Variants in GLIS3 observed in about 807,000 individuals in gnomAD.
The protein encoded by GLIS3 is GLIS family zinc finger 3, also known as zinc finger protein GLIS3.
A neutral mutation model predicts 78.6 loss-of-function variants in GLIS3; 53 were observed. That is an observed-to-expected ratio of 0.67 (90% confidence interval 0.54 to 0.85). The LOEUF is 0.85. GLIS3 is among the 40% of genes least tolerant of loss of function. The pLI, the probability that GLIS3 is intolerant of heterozygous loss-of-function variation, is 0.00. For missense variants in GLIS3, 1,703 were observed against 1,231.1 expected, an observed-to-expected ratio of 1.38 and a Z score of -5.74; for synonymous variants, 684 against 509.9, an observed-to-expected ratio of 1.34 and a Z score of -4.60.
chr9:4,214,130 C>A (rs1391057459), intron 2 of GLIS3, among the ~76,000 whole-genome samples: 1 of 152,156 alleles, frequency 6.6e-6, no homozygotes, highest in South Asian at 2.1e-4. Context: ...TAACACATAT[C>A]AAACAAAACT....
chr9:4,010,584 C>G (rs7039704), intron 4 of GLIS3, among the ~76,000 whole-genome samples: 1 of 152,142 alleles, frequency 6.6e-6, no homozygotes, highest in Non-Finnish European at 1.5e-5. Flanking sequence ...TGTGAAAGAA[C>G]AGACATGAAA....
At chr9:4,490,218 G>C in the GLIS3 span, among the ~76,000 whole-genome samples, 3 of 152,256 alleles carry the variant, frequency 2.0e-5, no homozygotes, top group Non-Finnish European at 4.4e-5. Context: ...CCTAGCATGA[G>C]TGAGGCGTGG....
intron 2 of GLIS3, among the ~76,000 whole-genome samples, chr9:4,320,291 C>G (rs991562688): frequency 3.9e-5 from 6 of 152,090 alleles, no homozygotes; most frequent in Non-Finnish European, 7.3e-5. Flanking sequence ...AGTTTGTGAG[C>G]TGACTTTTGG....
At chr9:3,838,192 A>G (rs1270252719) in intron 9 of GLIS3, among the ~76,000 whole-genome samples, 1 of 152,216 alleles carries the variant, frequency 6.6e-6, no homozygotes, top group East Asian at 1.9e-4. Context: ...CATAGCACTA[A>G]GACTAGTACC....
intron 8 of GLIS3, among the ~76,000 whole-genome samples, chr9:3,861,950 A>T (rs1467244389): frequency 1.3e-5 from 2 of 152,152 alleles, no homozygotes; most frequent in Non-Finnish European, 2.9e-5. Context: ...CTTAACTTAA[A>T]TTAAATTTAA....
At chr9:3,931,942 T>C (rs1176685893) in intron 6 of GLIS3, among the ~76,000 whole-genome samples, 3 of 152,228 alleles carry the variant, frequency 2.0e-5, no homozygotes, top group Admixed American at 6.5e-5. Flanking sequence ...TATTGGCCAA[T>C]TGATATTTTA....
chr9:4,063,040 T>C (rs958998567), intron 4 of GLIS3, among the ~76,000 whole-genome samples: 6 of 152,156 alleles, frequency 3.9e-5, no homozygotes, highest in Non-Finnish European at 7.3e-5. Flanking sequence ...CTCTTGACTC[T>C]TTATCTCACC....
chr9:4,408,282 G>A, the GLIS3 span, among the ~76,000 whole-genome samples: 1 of 152,050 alleles, frequency 6.6e-6, no homozygotes, highest in Non-Finnish European at 1.5e-5. Context: ...CGAAAGAAAG[G>A]AAATCAGTAT....
chr9:4,072,764 T>C (rs1410147350), intron 4 of GLIS3, among the ~76,000 whole-genome samples: 1 of 151,734 alleles, frequency 6.6e-6, no homozygotes, highest in African/African-American at 2.4e-5. Flanking sequence ...GTTGTTGTTA[T>C]ATCACTGTGC....
intron 4 of GLIS3, among the ~76,000 whole-genome samples, chr9:4,094,397 TG>T (rs1409667967): frequency 6.6e-6 from 1 of 152,230 alleles, no homozygotes; most frequent in African/African-American, 2.4e-5. Flanking sequence ...TTTTAATTTT[TG>T]TTTTTTTACT....
the GLIS3 span, among the ~76,000 whole-genome samples, chr9:4,460,770 G>A: frequency 3.3e-5 from 5 of 152,128 alleles, no homozygotes; most frequent in Non-Finnish European, 5.9e-5. Flanking sequence ...TGCATGCTGT[G>A]GGGATTTGTC....
chr9:4,259,161 G>T (rs1163719014), intron 2 of GLIS3, among the ~76,000 whole-genome samples: 1 of 152,124 alleles, frequency 6.6e-6, no homozygotes, highest in East Asian at 1.9e-4. Flanking sequence ...TATTCTGCAA[G>T]ACTCAGAAAC....
chr9:4,464,315 G>C, the GLIS3 span, among the ~76,000 whole-genome samples: 2 of 151,574 alleles, frequency 1.3e-5, no homozygotes, highest in Non-Finnish European at 2.9e-5. Context: ...CCATGATTTT[G>C]ACAAGCAGTA....
At chr9:4,165,302 G>A (rs767306195) in intron 2 of GLIS3, among the ~76,000 whole-genome samples, 5 of 152,106 alleles carry the variant, frequency 3.3e-5, no homozygotes, top group Admixed American at 6.5e-5. Context: ...TTAGCCGGGC[G>A]TGGTGGCACA....
intron 2 of GLIS3, among the ~76,000 whole-genome samples, chr9:4,249,692 G>C (rs1273016341): frequency 1.3e-5 from 2 of 152,144 alleles, no homozygotes; most frequent in Non-Finnish European, 2.9e-5. Context: ...TCCTTGTCTT[G>C]TGCCAGTTTT....
At chr9:3,873,654 T>G (rs542988009) in intron 8 of GLIS3, among the ~76,000 whole-genome samples, 2 of 151,504 alleles carry the variant, frequency 1.3e-5, no homozygotes, top group South Asian at 4.2e-4. Flanking sequence ...TGCACAAAAA[T>G]AAAATAAAGA....
chr9:3,955,167 T>C (rs1168482157), intron 4 of GLIS3, among the ~76,000 whole-genome samples: 1 of 152,162 alleles, frequency 6.6e-6, no homozygotes, highest in Admixed American at 6.5e-5. Flanking sequence ...TGCAAATGCA[T>C]GGCCTCCCAG....
the GLIS3 span, among the ~76,000 whole-genome samples, chr9:4,415,591 G>A: frequency 1.3e-5 from 2 of 152,136 alleles, no homozygotes; most frequent in African/African-American, 4.8e-5. Context: ...TAACAACTCA[G>A]ATCACATGCA....
At chr9:3,998,259 A>G (rs188175723) in intron 4 of GLIS3, among the ~76,000 whole-genome samples, 24 of 152,300 alleles carry the variant, frequency 1.6e-4, no homozygotes, top group African/African-American at 5.5e-4. Context: ...AACGGTACTT[A>G]GAAATCAAGA....
Sources: gnomAD v4.1 joint callset for allele counts (sites outside exome capture counted in the v4.1 genomes callset) on GRCh38, gnomAD v4.1.1 for gene constraint, MANE v1.5 for transcripts, NCBI Gene and HGNC (gene_info 2026-07-23, HGNC 2026-07-21) for gene names.